Variants in TENM4 observed in about 807,000 individuals in gnomAD.
The protein encoded by TENM4 is teneurin-4.
A neutral mutation model predicts 243.3 loss-of-function variants in TENM4; 82 were observed. The ratio of observed to expected loss-of-function variants is 0.34; its 90% confidence interval spans 0.28 to 0.40. The LOEUF is 0.40. Among genes scored for constraint, TENM4 ranks in the 10% least tolerant of loss-of-function variants. The pLI is 1.00. For synonymous variants in TENM4, 1,412 were observed against 1,456.3 expected (o/e 0.97, Z 0.69); for missense variants, 3,138 against 3,673.3 (o/e 0.85, Z 3.77).
At chr11:79,286,131 T>G (rs114194023) in intron 2 of TENM4, among the ~76,000 whole-genome samples, 5 of 152,168 alleles carry the variant, frequency 3.3e-5, no homozygotes, top group Non-Finnish European at 7.4e-5. Context: ...TTGCTAGAAG[T>G]GGTGCAATGA....
intron 12 of TENM4, 80 bp from the exon 13 acceptor site, chr11:78,814,475 A>G: frequency 8.2e-7 from 1 of 1,214,290 alleles, no homozygotes; most frequent in Non-Finnish European, 1.2e-6. Flanking sequence ...GCTTTAGGTT[A>G]GCCAAGACCC....
At chr11:78,987,336 G>T (rs1857941701) in intron 6 of TENM4, among the ~76,000 whole-genome samples, 1 of 152,140 alleles carries the variant, frequency 6.6e-6, no homozygotes, top group Admixed American at 6.5e-5. Flanking sequence ...AAATGCAACA[G>T]CATGGATGCA....
rs1859116407 is a variant in TENM4, at chr11:78,701,960, G to A, written c.4653C>T (p.Tyr1551=). 10 of 1,614,022 alleles carry A rather than the reference G, an allele frequency of 6.2e-6. No homozygotes were observed. The highest frequency in any genetic ancestry group is 1.3e-5 in the African/African-American group (1 of 75,038). ...SLAVCADGEL[Y]VADLGNIRIR... ...TTCGGATGTTCCCAAGGTCGGCCAC[G>A]TAGAGCTCCCCATCAGCACACACAG... Residue 1551 remains tyrosine, a synonymous_variant, in exon 28 of 34, where the codon TAC becomes TAT. Transcript: ENST00000278550.
chr11:79,153,712 T>C (rs545819767), intron 3 of TENM4, among the ~76,000 whole-genome samples: 2 of 152,272 alleles, frequency 1.3e-5, no homozygotes, highest in African/African-American at 4.8e-5. Flanking sequence ...CTGGGTCCTT[T>C]CACACTGGGG....
intron 2 of TENM4, among the ~76,000 whole-genome samples, chr11:79,278,807 G>C (rs556423768): frequency 3.3e-5 from 5 of 152,258 alleles, no homozygotes; most frequent in Admixed American, 6.5e-5. Flanking sequence ...GTGCACGAGG[G>C]ACAGACAAGC....
intron 1 of TENM4, among the ~76,000 whole-genome samples, chr11:79,333,870 G>A (rs1265956061): frequency 1.3e-5 from 2 of 152,220 alleles, no homozygotes; most frequent in Non-Finnish European, 2.9e-5. Context: ...GAGCTGAGAT[G>A]TGAGCTCAAG....
chr11:79,349,498 TC>T (rs1857380612), intron 1 of TENM4, among the ~76,000 whole-genome samples: 1 of 152,182 alleles, frequency 6.6e-6, no homozygotes, highest in African/African-American at 2.4e-5. Context: ...AATCAATCAT[TC>T]CTTCGTTCAT....
At chr11:79,167,270 A>G (rs1862935279) in intron 3 of TENM4, among the ~76,000 whole-genome samples, 3 of 152,314 alleles carry the variant, frequency 2.0e-5, no homozygotes, top group Admixed American at 2.0e-4. Context: ...AGGATAAAGA[A>G]CAATGGCCTG....
At chr11:79,035,231 G>A (rs1565176220) in intron 6 of TENM4, among the ~76,000 whole-genome samples, 1 of 152,218 alleles carries the variant, frequency 6.6e-6, no homozygotes, top group Non-Finnish European at 1.5e-5. Context: ...GCTGTGCAAT[G>A]GCCATGGTGC....
At chr11:79,030,077 A>T (rs1201968633) in intron 6 of TENM4, among the ~76,000 whole-genome samples, 1 of 152,100 alleles carries the variant, frequency 6.6e-6, no homozygotes, top group East Asian at 1.9e-4. Context: ...TAAAAGCAAG[A>T]TTCCTGTCTA....
At chr11:78,854,714 G>C (rs1340458340) in intron 11 of TENM4, among the ~76,000 whole-genome samples, 11 of 152,156 alleles carry the variant, frequency 7.2e-5, no homozygotes, top group Non-Finnish European at 1.5e-4. Flanking sequence ...AAGAATCTTG[G>C]GGGGTGGTGG....
intron 4 of TENM4, among the ~76,000 whole-genome samples, chr11:79,110,845 T>C (rs1020532541): frequency 6.6e-6 from 1 of 152,174 alleles, no homozygotes; most frequent in African/African-American, 2.4e-5. Flanking sequence ...CCGGCTAACT[T>C]GGACACTTTC....
intron 6 of TENM4, among the ~76,000 whole-genome samples, chr11:79,061,163 T>C (rs1444911713): frequency 6.6e-6 from 1 of 152,158 alleles, no homozygotes; most frequent in Non-Finnish European, 1.5e-5. Context: ...GGGGAGATAA[T>C]AGTGTAAGAG....
chr11:78,661,886 C>T (rs545827794), intron 32 of TENM4, among the ~76,000 whole-genome samples: 3 of 152,292 alleles, frequency 2.0e-5, no homozygotes, highest in Non-Finnish European at 2.9e-5. Context: ...TAGCTTCATA[C>T]CCGGGGCAGC....
At chr11:79,370,967 C>G (rs1323222519) in intron 1 of TENM4, among the ~76,000 whole-genome samples, 1 of 151,940 alleles carries the variant, frequency 6.6e-6, no homozygotes, top group African/African-American at 2.4e-5. Context: ...GTCAGGAACT[C>G]TAATTGATAA....
intron 2 of TENM4, among the ~76,000 whole-genome samples, chr11:79,288,093 T>G (rs571334162): frequency 1.3e-5 from 2 of 152,358 alleles, no homozygotes; most frequent in South Asian, 4.1e-4. Flanking sequence ...ATGGTAGATA[T>G]AGGCACAGGC....
intron 7 of TENM4, among the ~76,000 whole-genome samples, chr11:78,894,449 A>G (rs1010174231): frequency 5.9e-5 from 9 of 152,260 alleles, no homozygotes; most frequent in Non-Finnish European, 1.3e-4. Context: ...GACTGGAAAA[A>G]CAGTGATTCT....
At chr11:79,303,397 G>A (rs1856580003) in intron 1 of TENM4, among the ~76,000 whole-genome samples, 10 of 152,176 alleles carry the variant, frequency 6.6e-5, no homozygotes. Flanking sequence ...CCCCTGGGTT[G>A]CTGCAGTGCT....
chr11:79,397,967 G>C (rs1858379602), intron 1 of TENM4, among the ~76,000 whole-genome samples: 1 of 152,146 alleles, frequency 6.6e-6, no homozygotes, highest in South Asian at 2.1e-4. Flanking sequence ...AAATTTGTGT[G>C]ACATCCTTGC....
Sources: gnomAD v4.1 joint callset for allele counts (sites outside exome capture counted in the v4.1 genomes callset) on GRCh38, gnomAD v4.1.1 for gene constraint, MANE v1.5 for transcripts, NCBI Gene and HGNC (gene_info 2026-07-23, HGNC 2026-07-21) for gene names.